The following TSTD2 variants were observed in gnomAD, a reference collection of about 807,000 sequenced individuals.
The protein encoded by TSTD2 is thiosulfate sulfurtransferase/rhodanese-like domain-containing protein 2.
In TSTD2, 37 loss-of-function variants were observed where a neutral mutation model predicts 47.9. That is an observed-to-expected ratio of 0.77 (90% CI 0.59 to 1.02). The LOEUF (loss-of-function observed/expected upper bound fraction) is 1.02. Among genes scored for constraint, TSTD2 ranks in the 50% least tolerant of loss-of-function variants. The probability of loss-of-function intolerance (pLI) is 0.00; values close to 1 mark genes in which losing one functional copy is unlikely to be tolerated. For missense variants in TSTD2, 586 were observed against 616.0 expected, an observed-to-expected ratio of 0.95 and a Z score of 0.52; for synonymous variants, 201 against 215.9, an observed-to-expected ratio of 0.93 and a Z score of 0.61.
At chr9:97,617,132 G>A (rs1365681936) in intron 4 of TSTD2, among the ~76,000 whole-genome samples, 3 of 151,500 alleles carry the variant, frequency 2.0e-5, no homozygotes, top group Non-Finnish European at 2.9e-5. Flanking sequence ...AGAATGTGAT[G>A]AGATCTGGAG....
Position 97,606,129 on chromosome 9 carries a change from T to C in TSTD2, c.954+14A>G. ...TCTACCAATTCAGAGAACTCAGTTC[T>C]GGCTTTTACTTACTATTTTGCTTTC... On this transcript the variant is annotated intron_variant, in intron 7 of 9. Coordinates refer to ENST00000341170, the MANE Select transcript of TSTD2 (RefSeq NM_139246.5). The C allele has an allele frequency of 6.5e-7, 1 of 1,536,996 alleles. No individual in the cohort carries two copies. The highest frequency in any genetic ancestry group is 9.0e-7 in the Non-Finnish European group (1 of 1,111,544).
At chr9:97,611,755 C>T (rs988623561) in intron 4 of TSTD2, 56 bp from the exon 5 acceptor site, 10 of 1,558,820 alleles carry the variant, frequency 6.4e-6, no homozygotes, top group Non-Finnish European at 7.9e-6. Context: ...GGTTATCTTT[C>T]CAGGGAAGAA....
Position 97,627,558 on chromosome 9 carries a change from G to A in TSTD2, c.5C>T (p.Pro2Leu). The A allele has an allele frequency of 6.2e-7, 1 of 1,604,490 alleles. No homozygotes were observed. The highest frequency in any genetic ancestry group is 8.5e-7 in the Non-Finnish European group (1 of 1,173,834). MPSSTSPDQGDD... is the reference protein window; with the variant it reads MLSSTSPDQGDD... The stretch of plus-strand genomic sequence containing the variant: ...TCCTTGGTCTGGTGAAGTGGAAGAA[G>A]GCATCTGGTTTGGTTGCAACAGTGA... The change falls in exon 2 of 10, where the codon CCT (proline) becomes CTT (leucine). Residue 2 changes from proline (P) to leucine (L), a missense_variant. Coordinates refer to ENST00000341170, the MANE Select transcript of TSTD2 (RefSeq NM_139246.5).
intron 3 of TSTD2, among the ~76,000 whole-genome samples, chr9:97,620,994 ATGTC>A (rs1217503836): frequency 6.6e-6 from 1 of 152,152 alleles, no homozygotes; most frequent in African/African-American, 2.4e-5. Context: ...AAAGGGGAAA[ATGTC>A]TCCAGGGCAT....
In TSTD2 at chr9:97,602,534, C is replaced by T. The variant is rs373830195; in HGVS notation, c.1486G>A (p.Val496Met). Residue 496 changes from valine (V) to methionine (M), a missense_variant, in exon 10 of 10, where the codon GTG (valine) becomes ATG (methionine). By Grantham distance (21) the Val-to-Met change is conservative (BLOSUM62 1). Transcript: ENST00000341170. ...PRIPRELLQH[V>M]RQPVSPEPGP... ...GGCTCTGGGCTCACAGGCTGTCGCA[C>T]ATGCTGCAAGAGTTCCCTAGGTATG... 3 of 1,614,070 alleles carry T rather than the reference C, an allele frequency of 1.9e-6. No individual in the cohort carries two copies. Among genetic ancestry groups the T allele is most frequent in the Non-Finnish European group, 2.5e-6 (3 of 1,180,010 alleles).
intron 1 of TSTD2, among the ~76,000 whole-genome samples, chr9:97,632,357 T>A (rs544065934): frequency 6.6e-6 from 1 of 150,804 alleles, no homozygotes; most frequent in African/African-American, 2.4e-5. Flanking sequence ...TGGCATGGAG[T>A]GTGCAATGGA....
At chr9:97,623,124 G>A (rs1038462106) in intron 3 of TSTD2, among the ~76,000 whole-genome samples, 5 of 152,310 alleles carry the variant, frequency 3.3e-5, no homozygotes, top group South Asian at 2.1e-4. Flanking sequence ...CAATTCCCAC[G>A]TGTCATGGGA....
At chr9:97,608,229 C>T (rs1056333880) in intron 6 of TSTD2, among the ~76,000 whole-genome samples, 11 of 152,146 alleles carry the variant, frequency 7.2e-5, no homozygotes, top group African/African-American at 2.7e-4. Context: ...GCTAAGACTT[C>T]TACCTGCAGG....
rs1286076273 is a variant in TSTD2 at position 97,600,504 on chromosome 9, A to C, written c.*1965T>G. 1.4e-5 allele frequency: 14 copies of C among 985,524 alleles called. No individual in the cohort carries two copies. The highest frequency in any genetic ancestry group is 5.2e-4 in the Middle Eastern group (1 of 1,936). 61.0% of individuals were successfully genotyped at this position (985,524 alleles called of 1,614,324 possible). ...TGATGGATGTGAAAATCTACGGCCA[A>C]ATACTTTTGAAAACACCTTTCTATA... is the stretch of plus-strand genomic sequence containing the variant. On this transcript the variant is annotated 3_prime_UTR_variant, in exon 10 of 10. Transcript: ENST00000341170.
rs1167006843 is a variant in TSTD2 at position 97,603,606 on chromosome 9, G to A, written c.1253-839C>T. ...AATCAAACGCAAATCTTACTCAAAT[G>A]TGCATGCCACCTGGGTCCACAGAGA... On this transcript the variant is annotated intron_variant, in intron 9 of 9. Coordinates refer to ENST00000341170, the MANE Select transcript of TSTD2 (RefSeq NM_139246.5). 3.9e-5 allele frequency among the ~76,000 whole-genome samples: 6 copies of A among 152,220 alleles called. No homozygotes were observed. The South Asian group carries it at 6.2e-4, about 16-fold the overall frequency.
chr9:97,611,831 T>C, intron 4 of TSTD2, 132 bp from the exon 5 acceptor site: 1 of 845,210 alleles, frequency 1.2e-6, no homozygotes, highest in Non-Finnish European at 1.8e-6. Flanking sequence ...GACACCAAAG[T>C]GTTACTGGAC....
intron 3 of TSTD2, among the ~76,000 whole-genome samples, chr9:97,618,431 C>T (rs1826579708): frequency 6.6e-6 from 1 of 152,200 alleles, no homozygotes; most frequent in African/African-American, 2.4e-5. Context: ...CTGTCTTACA[C>T]TAACTAGCTA....
At chr9:97,606,286 A>G (rs1191675544) in intron 6 of TSTD2, 25 bp from the exon 7 acceptor site, 7 of 1,463,488 alleles carry the variant, frequency 4.8e-6, no homozygotes, top group Non-Finnish European at 6.5e-6. Context: ...AAAAAATTAT[A>G]TTAAAACAAA....
At chr9:97,605,042 A>C (rs1456619912) in intron 8 of TSTD2, 177 bp from the exon 9 acceptor site, 12 of 825,062 alleles carry the variant, frequency 1.5e-5, no homozygotes, top group Non-Finnish European at 1.8e-5. Context: ...CAAGGGGTCA[A>C]GGCACCAACT....
At chr9:97,619,227 T>C (rs889225517) in intron 3 of TSTD2, among the ~76,000 whole-genome samples, 5 of 152,262 alleles carry the variant, frequency 3.3e-5, no homozygotes, top group African/African-American at 9.6e-5. Flanking sequence ...TACTTCAACT[T>C]GCTTTCTTGC....
chr9:97,614,855 T>C (rs1428786732), intron 4 of TSTD2, among the ~76,000 whole-genome samples: 2 of 152,338 alleles, frequency 1.3e-5, no homozygotes, highest in Non-Finnish European at 2.9e-5. Context: ...TGCAGTCTAG[T>C]GAAGCCAGTT....
intron 9 of TSTD2, 120 bp downstream of exon 9, chr9:97,604,607 C>A: frequency 7.1e-7 from 1 of 1,405,020 alleles, no homozygotes; most frequent in Non-Finnish European, 9.6e-7. Context: ...TACTTATTTT[C>A]CCTGCTTATT....
chr9:97,615,114 C>A (rs1241657397), intron 4 of TSTD2, among the ~76,000 whole-genome samples: 4 of 152,176 alleles, frequency 2.6e-5, no homozygotes, highest in Non-Finnish European at 4.4e-5. Context: ...AAAGAGAAGA[C>A]AAGCACATCT....
At chr9:97,619,991 G>C (rs1228400726) in intron 3 of TSTD2, among the ~76,000 whole-genome samples, 7 of 152,140 alleles carry the variant, frequency 4.6e-5, no homozygotes, top group African/African-American at 1.4e-4. Flanking sequence ...CTATGATTCA[G>C]TTTTAAAAGT....
Sources: gnomAD v4.1 joint callset for allele counts (sites outside exome capture counted in the v4.1 genomes callset) on GRCh38, gnomAD v4.1.1 for gene constraint, MANE v1.5 for transcripts, NCBI Gene and HGNC (gene_info 2026-07-23, HGNC 2026-07-21) for gene names.